The following SOCS2 variants were observed in gnomAD, a reference collection of about 807,000 sequenced individuals.
The protein encoded by SOCS2 is suppressor of cytokine signaling 2.
A neutral mutation model predicts 18.6 loss-of-function variants in SOCS2; 10 were observed. That is an observed-to-expected ratio of 0.54 (90% CI 0.33 to 0.91). The LOEUF is 0.91. SOCS2 is among the 40% of genes least tolerant of loss of function. The pLI is 0.02. For synonymous variants in SOCS2, 104 were observed against 104.0 expected, an observed-to-expected ratio of 1.00 and a Z score of 0.00; for missense variants, 231 against 247.2, an observed-to-expected ratio of 0.93 and a Z score of 0.44.
At chr12:93,606,555 C>T in the SOCS2 span, among the ~76,000 whole-genome samples, 1 of 152,010 alleles carries the variant, frequency 6.6e-6, no homozygotes, top group East Asian at 1.9e-4. Flanking sequence ...GATTACCATA[C>T]CTCATCAGTG....
chr12:93,572,455 C>T (rs1954289550), upstream of SOCS2: 1 of 361,506 alleles, frequency 2.8e-6, no homozygotes, highest in Non-Finnish European at 5.4e-6. This position sits in a 1 kb window ranked among gnomAD's most constrained non-coding sequence, Gnocchi z 5.0. Flanking sequence ...TGTTCACCCT[C>T]CTCCTGACCT....
At position 93,572,837 on chromosome 12, in the gene SOCS2, G is replaced by C. The variant is rs538768287; in HGVS notation, c.-61G>C. On this transcript the variant is annotated 5_prime_UTR_variant, in exon 1 of 2. Coordinates refer to ENST00000551556, the MANE Select transcript of SOCS2 (RefSeq NM_001270471.2). The surrounding 1 kb of genome is among the most constrained non-coding windows in gnomAD (Gnocchi z 5.0). ...TCGCACTGACTTCAAGGAAGGACGC[G>C]AACCCTTCTCTGACCCCAGCTCGGG... 47 of 1,551,926 alleles carry C rather than the reference G, an allele frequency of 3.0e-5. No individual in the cohort carries two copies. The highest frequency in any genetic ancestry group is 3.9e-5 in the Non-Finnish European group (45 of 1,147,340).
chr12:93,582,512 A>G (rs1027235047), intron 1 of SOCS2, among the ~76,000 whole-genome samples: 3 of 152,136 alleles, frequency 2.0e-5, no homozygotes, highest in Non-Finnish European at 2.9e-5. Flanking sequence ...GATTGGAGAG[A>G]GAGTCAGAGG....
At chr12:93,577,051 A>G (rs1321474294), downstream of SOCS2, among the ~76,000 whole-genome samples, 1 of 152,208 alleles carries the variant, frequency 6.6e-6, no homozygotes, top group Non-Finnish European at 1.5e-5. Flanking sequence ...GATCAGTGCC[A>G]AGGGGCTTTG....
chr12:93,610,682 G>C, the SOCS2 span, among the ~76,000 whole-genome samples: 1 of 152,062 alleles, frequency 6.6e-6, no homozygotes, highest in African/African-American at 2.4e-5. Context: ...TTTTTGCCCT[G>C]CCATCTCTTT....
rs536398714 is a variant in SOCS2 at position 93,581,824 on chromosome 12, G to A, written c.117-1199G>A. On this transcript the variant is annotated intron_variant, in intron 1 of 1. Transcript: ENST00000549510. ...CATGAGAAAGGATGGAGAGGATGGG[G>A]ACTAACATTTATTAAACAGTCTAAT... 2.6e-5 allele frequency among the ~76,000 whole-genome samples: 4 copies of A among 152,242 alleles called. No individual in the cohort carries two copies. In the South Asian group the frequency reaches 8.3e-4, roughly 32 times the overall value.
chr12:93,575,012 C>T lies in SOCS2; in HGVS notation c.430C>T (p.Arg144Trp), dbSNP rs1954416112. 2.5e-6 allele frequency: 4 copies of T among 1,614,044 alleles called. No individual in the cohort carries two copies. Among genetic ancestry groups the T allele is most frequent in the Non-Finnish European group, 2.5e-6 (3 of 1,179,978 alleles). The change falls in exon 2 of 2, where the codon CGG (arginine) becomes TGG (tryptophan). Residue 144 changes from arginine to tryptophan, a missense_variant. Physicochemically the swap from Arg to Trp is moderately radical, Grantham distance 101. Around this residue, in one of 3 missense-constraint regions of SOCS2, gnomAD observed 122 missense variants for 127.2 expected, o/e 0.96. Coordinates refer to ENST00000551556, the MANE Select transcript of SOCS2 (RefSeq NM_001270471.2). Reference protein sequence around the residue: ...KDKRTGPEAPRNGTVHLYLTK... With the variant: ...KDKRTGPEAPWNGTVHLYLTK... ...TAAGCGGACAGGTCCAGAAGCCCCC[C>T]GGAACGGCACTGTTCACCTTTATCT...
At chr12:93,610,824 G>A in the SOCS2 span, among the ~76,000 whole-genome samples, 1 of 152,210 alleles carries the variant, frequency 6.6e-6, no homozygotes, top group Admixed American at 6.5e-5. Flanking sequence ...CTTAATCTTG[G>A]ACTTCTCAGC....
At position 93,572,950 on chromosome 12, in the gene SOCS2, G is replaced by A. The variant is rs751288179; in HGVS notation, c.53G>A (p.Ser18Asn). ...PSGNGGEGTR[S>N]QWGTAGSAEE... Reference sequence around the variant, plus strand: ...GGGAATGGCGGGGAAGGGACGCGGAGCCAGTGGGGGACCGCGGGGTCGGCG... The same window carrying A: ...GGGAATGGCGGGGAAGGGACGCGGAACCAGTGGGGGACCGCGGGGTCGGCG... The change falls in exon 1 of 2, where the codon AGC (serine) becomes AAC (asparagine). Residue 18 changes from serine to asparagine, a missense_variant. Ser to Asn is a conservative substitution (Grantham distance 46). Transcript: ENST00000551556. This position sits in a 1 kb window ranked among gnomAD's most constrained non-coding sequence, Gnocchi z 5.0. 4.5e-6 allele frequency: 7 copies of A among 1,569,586 alleles called. No individual in the cohort carries two copies. The highest frequency in any genetic ancestry group is 4.1e-5 in the African/African-American group (3 of 74,042).
chr12:93,610,731 T>C, the SOCS2 span, among the ~76,000 whole-genome samples: 1 of 152,162 alleles, frequency 6.6e-6, no homozygotes, highest in South Asian at 2.1e-4. Context: ...TTTTCTGCCC[T>C]TCCACCATGT....
chr12:93,570,193 G>C (rs950648297), upstream of SOCS2: 2 of 152,310 alleles, frequency 1.3e-5, no homozygotes, highest in Non-Finnish European at 2.9e-5. Context: ...CCTTCCGGGC[G>C]CGCAGGTAAG....
the SOCS2 span, among the ~76,000 whole-genome samples, chr12:93,620,383 C>T: frequency 5.3e-5 from 8 of 152,026 alleles, no homozygotes; most frequent in Non-Finnish European, 8.8e-5. Context: ...TCAATGTTGT[C>T]CTGAAGAGTT....
downstream of SOCS2, among the ~76,000 whole-genome samples, chr12:93,579,990 A>G (rs1160784371): frequency 6.6e-6 from 1 of 152,204 alleles, no homozygotes; most frequent in African/African-American, 2.4e-5. Flanking sequence ...GCATTTTGTG[A>G]TGTATTATTC....
chr12:93,604,180 T>C, the SOCS2 span, among the ~76,000 whole-genome samples: 1 of 149,538 alleles, frequency 6.7e-6, no homozygotes, highest in South Asian at 2.1e-4. Flanking sequence ...CACTCATAGA[T>C]TCTCAAAAAA....
chr12:93,604,086 C>T, the SOCS2 span, among the ~76,000 whole-genome samples: 15 of 152,104 alleles, frequency 9.9e-5, no homozygotes, highest in South Asian at 1.0e-3. Flanking sequence ...GAAAACGTTG[C>T]GGTGTTGGCC....
intron 1 of SOCS2, 21 bp from the exon 2 acceptor site, chr12:93,574,701 C>G: frequency 6.6e-7 from 1 of 1,517,990 alleles, no homozygotes; most frequent in Non-Finnish European, 8.9e-7. Context: ...TTTTCTTTTT[C>G]TTTTTGAACA....
chr12:93,571,332 G>C (rs1203269856), upstream of SOCS2: 2 of 152,262 alleles, frequency 1.3e-5, no homozygotes, highest in Admixed American at 6.5e-5. Context: ...TCCGCAGCTC[G>C]GAGCGCCGGG....
At chr12:93,614,761 C>T in the SOCS2 span, among the ~76,000 whole-genome samples, 1 of 150,586 alleles carries the variant, frequency 6.6e-6, no homozygotes, top group Non-Finnish European at 1.5e-5. Context: ...ATTACAGGCG[C>T]CTGCCACCAT....
chr12:93,614,935 A>C, the SOCS2 span, among the ~76,000 whole-genome samples: 1 of 147,558 alleles, frequency 6.8e-6, no homozygotes, highest in Non-Finnish European at 1.5e-5. Flanking sequence ...GCAATTTTCT[A>C]TTTAAAAAAA....
Sources: gnomAD v4.1 joint callset for allele counts (sites outside exome capture counted in the v4.1 genomes callset) on GRCh38, gnomAD v4.1.1 for gene constraint, gnomAD v4.1.1 regional missense constraint, Gnocchi (gnomAD v3.1) non-coding constraint, MANE v1.5 for transcripts, NCBI Gene and HGNC (gene_info 2026-07-23, HGNC 2026-07-21) for gene names.